The following ORC3 variants were observed in gnomAD, a reference collection of about 807,000 sequenced individuals.
ORC3 encodes the protein origin recognition complex subunit 3.
A neutral mutation model predicts 100.7 loss-of-function variants in ORC3; 78 were observed. That is an observed-to-expected ratio of 0.77 (90% confidence interval 0.65 to 0.94). ORC3 has a LOEUF of 0.94. ORC3 is among the 40% of genes least tolerant of loss of function. The probability of loss-of-function intolerance (pLI) is 0.00; values close to 1 mark genes in which losing one functional copy is unlikely to be tolerated. For missense variants in ORC3, 789 were observed against 823.9 expected (o/e 0.96, Z 0.52); for synonymous variants, 295 against 289.3 (o/e 1.02, Z -0.20).
chr6:87,592,815 C>G (rs146224384), intron 1 of ORC3, among the ~76,000 whole-genome samples: 2 of 150,286 alleles, frequency 1.3e-5, no homozygotes, highest in Admixed American at 1.3e-4. Context: ...TCCATCAGGC[C>G]GGGTGCAGTG....
chr6:87,669,607 T>C (rs1440164856), downstream of ORC3, among the ~76,000 whole-genome samples: 1 of 152,240 alleles, frequency 6.6e-6, no homozygotes, highest in Non-Finnish European at 1.5e-5. Context: ...CAAATGAATA[T>C]GATCAAAGAA....
intron 5 of ORC3, among the ~76,000 whole-genome samples, 195 bp from the exon 6 acceptor site, chr6:87,607,478 G>A (rs894787318): frequency 1.3e-5 from 2 of 151,792 alleles, no homozygotes; most frequent in Non-Finnish European, 1.5e-5. Context: ...TTTAGTCTTA[G>A]TCTGAATTAA....
At chr6:87,594,444 C>T (rs1319515818) in intron 2 of ORC3, 37 bp downstream of exon 2, 68 of 1,516,012 alleles carry the variant, frequency 4.5e-5, no homozygotes, top group Non-Finnish European at 5.7e-5. Flanking sequence ...TATTCCCTAC[C>T]TTCTTAAACT....
At chr6:87,611,062 A>G (rs995075055) in intron 7 of ORC3, among the ~76,000 whole-genome samples, 3 of 148,550 alleles carry the variant, frequency 2.0e-5, no homozygotes, top group African/African-American at 7.5e-5. Flanking sequence ...TCAGGTCCCC[A>G]AGTAGCTAGG....
the ORC3 span, chr6:87,675,437 CA>C: frequency 2.0e-6 from 2 of 994,950 alleles, no homozygotes; most frequent in Non-Finnish European, 3.0e-6. Flanking sequence ...GGGAAATTTC[CA>C]AAACCAGTTG....
intron 11 of ORC3, 104 bp downstream of exon 11, chr6:87,622,117 A>G: frequency 1.3e-6 from 1 of 752,708 alleles, no homozygotes; most frequent in South Asian, 1.7e-5. Flanking sequence ...GTGCATCTTA[A>G]TATTTATACA....
chr6:87,659,907 T>C (rs1770055019), intron 16 of ORC3, among the ~76,000 whole-genome samples: 1 of 144,104 alleles, frequency 6.9e-6, no homozygotes, highest in South Asian at 2.2e-4. Context: ...AGTGATGAAC[T>C]GCAATATTGG....
intron 16 of ORC3, among the ~76,000 whole-genome samples, chr6:87,660,688 A>T (rs1039043292): frequency 6.6e-6 from 1 of 152,230 alleles, no homozygotes; most frequent in Non-Finnish European, 1.5e-5. Context: ...GCAAGCTTCA[A>T]CTTTGTAGCC....
chr6:87,643,985 A>G (rs1164121545), intron 13 of ORC3, among the ~76,000 whole-genome samples: 1 of 150,636 alleles, frequency 6.6e-6, no homozygotes, highest in Non-Finnish European at 1.5e-5. Flanking sequence ...TACGTGTTCT[A>G]TACGGTCTCT....
intron 16 of ORC3, among the ~76,000 whole-genome samples, chr6:87,662,014 C>G (rs1007249087): frequency 1.3e-5 from 2 of 152,126 alleles, no homozygotes; most frequent in African/African-American, 4.8e-5. Flanking sequence ...TGAAAAAAAT[C>G]CCAAATTATG....
At position 87,647,917 on chromosome 6, in the gene ORC3, T is replaced by C. The variant is rs559670798; in HGVS notation, c.1383-5199T>C. 2.6e-5 allele frequency among the ~76,000 whole-genome samples: 4 copies of C among 152,304 alleles called. No individual in the cohort carries two copies. The East Asian group carries it at 7.7e-4, about 29-fold the overall frequency. Reference sequence around the variant, plus strand: ...TTAGGTTTGGTTTATCCAAAGTGCTTTGATGGCCGCAGTGGCTCATGCCTG... The same window carrying C: ...TTAGGTTTGGTTTATCCAAAGTGCTCTGATGGCCGCAGTGGCTCATGCCTG... On this transcript the variant is annotated intron_variant, in intron 13 of 19. Transcript: ENST00000392844.
At chr6:87,614,843 A>G (rs1164492022) in intron 8 of ORC3, among the ~76,000 whole-genome samples, 7 of 152,276 alleles carry the variant, frequency 4.6e-5, no homozygotes, top group East Asian at 3.9e-4. Context: ...AAGACATTCA[A>G]TAAGTCTCTA....
the ORC3 span, chr6:87,677,730 G>A: frequency 6.9e-7 from 1 of 1,442,232 alleles, no homozygotes. Context: ...TACCGCACCA[G>A]TGTATAGAAA....
rs754173920 is a variant in ORC3, at chr6:87,612,168, C to G, written c.793C>G (p.His265Asp). Residue 265 changes from histidine (H) to aspartate (D), a missense_variant, in exon 8 of 20, where the codon CAT becomes GAT. His to Asp is a moderately conservative substitution (Grantham distance 81, BLOSUM62 -1). Around this residue, in one of 3 missense-constraint regions of ORC3, gnomAD observed 399 missense variants for 382.0 expected, o/e 1.04. Transcript: ENST00000392844. ...SPIIIHRLLP[H>D]AVSSLLCIEL... Reference sequence around the variant, plus strand: ...TATTATCATCCACCGATTGCTTCCTCATGCAGTATCATCTCTATTGTGCAT... The same window carrying G: ...TATTATCATCCACCGATTGCTTCCTGATGCAGTATCATCTCTATTGTGCAT... The G allele has an allele frequency of 1.9e-6, 3 of 1,613,458 alleles. No individual in the cohort carries two copies. Among genetic ancestry groups the G allele is most frequent in the Non-Finnish European group, 2.5e-6 (3 of 1,179,524 alleles).
chr6:87,594,252 T>C, intron 1 of ORC3, 101 bp from the exon 2 acceptor site: 2 of 729,178 alleles, frequency 2.7e-6, no homozygotes, highest in East Asian at 2.5e-5. Context: ...TCCCCTAACA[T>C]CTTTTTTTAA....
At chr6:87,610,270 G>A (rs577822841) in intron 7 of ORC3, among the ~76,000 whole-genome samples, 12 of 151,734 alleles carry the variant, frequency 7.9e-5, no homozygotes, top group African/African-American at 2.9e-4. Context: ...GTGCAGTGGC[G>A]CCTTCTCAAC....
Position 87,635,716 on chromosome 6 carries a change from GA to G in ORC3, c.1303-689del, listed in dbSNP as rs552858385. Reference sequence around the variant, plus strand: ...GGAGGCTGAGGCAGGAGGATGGCTTGAACCTGGGAGGCGGAGGTTGCACTGA... The same window carrying G: ...GGAGGCTGAGGCAGGAGGATGGCTTGACCTGGGAGGCGGAGGTTGCACTGA... On this transcript the variant is annotated intron_variant, in intron 12 of 19. Transcript: ENST00000392844. 3.5e-3 allele frequency among the ~76,000 whole-genome samples: 528 copies of G among 151,992 alleles called. 2 individuals carry two copies. The highest frequency in any genetic ancestry group is 5.5e-3 in the Non-Finnish European group (376 of 67,956).
At chr6:87,634,532 AG>A in intron 11 of ORC3, among the ~76,000 whole-genome samples, 1 of 152,334 alleles carries the variant, frequency 6.6e-6, no homozygotes, top group Middle Eastern at 3.4e-3. Context: ...GGCACAGGCA[AG>A]CATCCACTAA....
rs546073575 is a variant in ORC3 at position 87,592,787 on chromosome 6, G to A, written c.25-1566G>A. Among the ~76,000 whole-genome samples, 7 of 151,970 alleles carry A rather than the reference G, an allele frequency of 4.6e-5. No individual in the cohort carries two copies. In the South Asian group the frequency reaches 1.2e-3, roughly 27 times the overall value. On this transcript the variant is annotated intron_variant, in intron 1 of 19. Transcript: ENST00000392844. Reference sequence around the variant, plus strand: ...CTGTCTTTTATTTTCCATAGAAATCGAAATATTTAAGAAGTTATCCATCAG... The same window carrying A: ...CTGTCTTTTATTTTCCATAGAAATCAAAATATTTAAGAAGTTATCCATCAG...
Sources: allele counts gnomAD v4.1 joint callset (sites outside exome capture counted in the v4.1 genomes callset), GRCh38; gene constraint gnomAD v4.1.1; regional missense constraint gnomAD v4.1.1; transcripts MANE v1.5; gene names NCBI Gene and HGNC (gene_info 2026-07-23, HGNC 2026-07-21).